Variants in EYA1 observed in about 807,000 individuals in gnomAD.
EYA1 encodes the protein protein phosphatase EYA1.
Under a neutral mutation model 82.0 loss-of-function variants are expected in EYA1, and 16 were observed. That is an observed-to-expected ratio of 0.20 (90% confidence interval 0.13 to 0.30). The LOEUF (loss-of-function observed/expected upper bound fraction) is 0.30. Ranked by LOEUF, EYA1 falls within the 10% of genes least tolerant of loss-of-function variation. The probability of loss-of-function intolerance (pLI) is 1.00; values close to 1 mark genes in which losing one functional copy is unlikely to be tolerated. For synonymous variants in EYA1, 261 were observed against 264.4 expected (o/e 0.99, Z 0.12); for missense variants, 633 against 730.7 (o/e 0.87, Z 1.54).
chr8:71,252,926 T>TG (rs948552268), intron 11 of EYA1, among the ~76,000 whole-genome samples: 61 of 152,248 alleles, frequency 4.0e-4, no homozygotes, highest in African/African-American at 1.4e-3. Context: ...AACAAATGAC[T>TG]GGGGGGAATA....
intron 2 of EYA1, among the ~76,000 whole-genome samples, chr8:71,451,428 A>G (rs1807364547): frequency 6.6e-6 from 1 of 152,252 alleles, no homozygotes; most frequent in South Asian, 2.1e-4. Context: ...AGAGCAGAAT[A>G]TGAAACTATC....
At chr8:71,528,096 A>G (rs1563706465) in intron 2 of EYA1, among the ~76,000 whole-genome samples, 1 of 152,044 alleles carries the variant, frequency 6.6e-6, no homozygotes, top group Admixed American at 6.6e-5. Context: ...ACACAAGTTC[A>G]TAGTTCTTTA....
intron 9 of EYA1, among the ~76,000 whole-genome samples, chr8:71,278,959 C>T (rs1266214977): frequency 6.6e-6 from 1 of 152,180 alleles, no homozygotes; most frequent in African/African-American, 2.4e-5. Flanking sequence ...AAAGACTACT[C>T]TCCCTAAACA....
intron 12 of EYA1, among the ~76,000 whole-genome samples, chr8:71,221,310 G>A (rs1476759925): frequency 6.6e-6 from 1 of 151,772 alleles, no homozygotes; most frequent in Non-Finnish European, 1.5e-5. Context: ...TGGCAGTGAG[G>A]TGGGGTGGGA....
intron 9 of EYA1, among the ~76,000 whole-genome samples, chr8:71,273,430 T>C (rs1219477521): frequency 2.6e-5 from 4 of 152,224 alleles, no homozygotes; most frequent in Admixed American, 2.6e-4. Context: ...TCTACATTAA[T>C]AGTCTTTTAT....
At chr8:71,366,822 G>A (rs949222175), upstream of EYA1, among the ~76,000 whole-genome samples, 1 of 152,050 alleles carries the variant, frequency 6.6e-6, no homozygotes, top group Non-Finnish European at 1.5e-5. Flanking sequence ...ATGGAGCAAT[G>A]GGACATTAAT....
intron 1 of EYA1, chr8:71,547,674 G>T (rs1171542109): frequency 6.6e-6 from 1 of 151,604 alleles, no homozygotes; most frequent in Admixed American, 6.6e-5. Context: ...GCGGGCTCTC[G>T]GCCGCCGCCT....
chr8:71,252,004 T>A (rs998965842), intron 11 of EYA1, among the ~76,000 whole-genome samples: 8 of 152,038 alleles, frequency 5.3e-5, no homozygotes, highest in African/African-American at 1.7e-4. Context: ...AATCTGTAAT[T>A]GGGTTTGAAG....
At chr8:71,443,479 C>T (rs1806588629) in intron 2 of EYA1, among the ~76,000 whole-genome samples, 1 of 152,160 alleles carries the variant, frequency 6.6e-6, no homozygotes, top group Admixed American at 6.5e-5. Flanking sequence ...CAGGGTTTCG[C>T]TATGTTGGCC....
At chr8:71,394,373 A>G (rs1401068361) in intron 2 of EYA1, among the ~76,000 whole-genome samples, 1 of 152,158 alleles carries the variant, frequency 6.6e-6, no homozygotes, top group Non-Finnish European at 1.5e-5. Flanking sequence ...GCCCATGCCT[A>G]TGTCCTGAAT....
At chr8:71,361,597 A>C in intron 1 of EYA1, 50 bp downstream of exon 1, 37 of 877,128 alleles carry the variant, frequency 4.2e-5, no homozygotes, top group Non-Finnish European at 4.8e-5. Flanking sequence ...TGCCCACAGG[A>C]CAGCTGTTGT....
intron 2 of EYA1, among the ~76,000 whole-genome samples, chr8:71,472,520 T>C (rs1433559529): frequency 1.3e-5 from 2 of 152,112 alleles, no homozygotes; most frequent in Middle Eastern, 3.4e-3. Flanking sequence ...TATTAAATAG[T>C]AAAAAGCAGC....
intron 16 of EYA1, among the ~76,000 whole-genome samples, chr8:71,214,435 C>T (rs758311135): frequency 6.6e-6 from 1 of 152,226 alleles, no homozygotes; most frequent in Non-Finnish European, 1.5e-5. Flanking sequence ...GATCAAATGT[C>T]ATTTCTTCCC....
intron 2 of EYA1, among the ~76,000 whole-genome samples, chr8:71,377,174 G>C: frequency 6.6e-6 from 1 of 152,176 alleles, no homozygotes; most frequent in East Asian, 1.9e-4. Flanking sequence ...ATGCATACTG[G>C]AGGTTTTCTT....
At chr8:71,408,164 G>A (rs1459728643) in intron 2 of EYA1, among the ~76,000 whole-genome samples, 2 of 151,786 alleles carry the variant, frequency 1.3e-5, no homozygotes, top group African/African-American at 4.8e-5. Context: ...TTACAGACAA[G>A]CAAATGCTGA....
At chr8:71,543,433 G>A (rs1815306631) in intron 1 of EYA1, among the ~76,000 whole-genome samples, 1 of 152,130 alleles carries the variant, frequency 6.6e-6, no homozygotes, top group Non-Finnish European at 1.5e-5. Context: ...ACAAAGTTGA[G>A]TTTTAAAAAT....
chr8:71,233,025 CGAAT>C (rs1287476143), intron 12 of EYA1, among the ~76,000 whole-genome samples: 1 of 152,160 alleles, frequency 6.6e-6, no homozygotes, highest in African/African-American at 2.4e-5. Context: ...GGGGCCCTCA[CGAAT>C]GAATGAATTC....
chr8:71,219,899 CA>C (rs1809681713), intron 12 of EYA1, among the ~76,000 whole-genome samples: 1 of 152,094 alleles, frequency 6.6e-6, no homozygotes, highest in Non-Finnish European at 1.5e-5. Flanking sequence ...TCCTAAGAGC[CA>C]AATTTTAGGT....
chr8:71,516,824 G>C (rs923117809), intron 2 of EYA1, among the ~76,000 whole-genome samples: 3 of 152,038 alleles, frequency 2.0e-5, no homozygotes, highest in African/African-American at 7.2e-5. Flanking sequence ...TCCCTACTCA[G>C]TCAAACTTCT....
Sources: allele counts gnomAD v4.1 joint callset (sites outside exome capture counted in the v4.1 genomes callset), GRCh38; gene constraint gnomAD v4.1.1; transcripts MANE v1.5; gene names NCBI Gene and HGNC (gene_info 2026-07-23, HGNC 2026-07-21).